The following NTM variants were observed in gnomAD, a reference collection of about 807,000 sequenced individuals.
NTM encodes IgLON family member 2.
A neutral mutation model predicts 42.1 loss-of-function variants in NTM; 13 were observed. The observed-to-expected ratio is 0.31, with a 90% CI of 0.20 to 0.49. The LOEUF is 0.49. Ranked by LOEUF, NTM falls within the 20% of genes least tolerant of loss-of-function variation. The pLI is 0.99. For synonymous variants in NTM, 187 were observed against 179.2 expected, an observed-to-expected ratio of 1.04 and a Z score of -0.35; for missense variants, 373 against 452.8, an observed-to-expected ratio of 0.82 and a Z score of 1.60.
At chr11:131,618,051 G>A (rs2062129693) in intron 1 of NTM, among the ~76,000 whole-genome samples, 1 of 152,190 alleles carries the variant, frequency 6.6e-6, no homozygotes, top group South Asian at 2.1e-4. Context: ...GGGAGTTGGT[G>A]TTAAAAAAGC....
intron 7 of NTM, among the ~76,000 whole-genome samples, chr11:132,328,721 G>C (rs927211201): frequency 1.3e-5 from 2 of 152,088 alleles, no homozygotes; most frequent in African/African-American, 2.4e-5. Context: ...TCTTTAGTCT[G>C]TCCTTCCTCC....
intron 3 of NTM, among the ~76,000 whole-genome samples, chr11:132,189,343 G>A (rs887817150): frequency 3.9e-5 from 6 of 152,172 alleles, no homozygotes; most frequent in African/African-American, 1.4e-4. Context: ...CCTTAAAGAT[G>A]CTCAGCTCAG....
chr11:132,082,327 G>T (rs1266710797), intron 2 of NTM, among the ~76,000 whole-genome samples: 1 of 152,066 alleles, frequency 6.6e-6, no homozygotes, highest in African/African-American at 2.4e-5. Context: ...CTGCATTCAG[G>T]TTTCCCCCTC....
At chr11:132,128,264 G>A (rs535536488) in intron 2 of NTM, among the ~76,000 whole-genome samples, 7 of 152,058 alleles carry the variant, frequency 4.6e-5, no homozygotes, top group Middle Eastern at 6.8e-3. Flanking sequence ...TGATAAACAT[G>A]TTTGCTAATC....
At chr11:132,026,494 G>T (rs1363356019) in intron 2 of NTM, among the ~76,000 whole-genome samples, 1 of 152,124 alleles carries the variant, frequency 6.6e-6, no homozygotes, top group Non-Finnish European at 1.5e-5. Flanking sequence ...AGAGTCATCT[G>T]CTTTTTCTTG....
rs555789593 is a variant in NTM, at chr11:131,733,581, G to T, written c.83-177983G>T. Among the ~76,000 whole-genome samples, 46 of 151,008 alleles carry T rather than the reference G, an allele frequency of 3.0e-4. 2 individuals carry two copies. In the South Asian group the frequency reaches 9.6e-3, roughly 32 times the overall value. On this transcript the variant is annotated intron_variant, in intron 1 of 8. Coordinates refer to ENST00000683400, the MANE Select transcript of NTM (RefSeq NM_001352005.2). ...CTCACTCGGTCACCCAGGCTAGAGT[G>T]CAGTGGTGCGATCTCAGCTCACTGG...
chr11:131,997,237 T>C (rs1472674448), intron 2 of NTM, among the ~76,000 whole-genome samples: 1 of 152,178 alleles, frequency 6.6e-6, no homozygotes, highest in Non-Finnish European at 1.5e-5. Context: ...CTCATGCCCC[T>C]GGCCCACCCA....
chr11:132,051,089 T>G (rs1478993557), intron 2 of NTM, among the ~76,000 whole-genome samples: 1 of 152,240 alleles, frequency 6.6e-6, no homozygotes, highest in Non-Finnish European at 1.5e-5. Flanking sequence ...GTCAGATACA[T>G]GTCAGTTTGA....
chr11:131,763,406 TG>T, intron 1 of NTM, among the ~76,000 whole-genome samples: 1 of 152,340 alleles, frequency 6.6e-6, no homozygotes, highest in Admixed American at 6.5e-5. Context: ...ATTGAATCAA[TG>T]CAGGTCGTTG....
At chr11:132,274,944 A>G (rs1280538344) in intron 4 of NTM, among the ~76,000 whole-genome samples, 4 of 152,104 alleles carry the variant, frequency 2.6e-5, no homozygotes, top group Admixed American at 2.0e-4. Context: ...AAAATGCATT[A>G]TGTTATTTTT....
At chr11:132,211,196 G>A (rs1207641999) in intron 3 of NTM, among the ~76,000 whole-genome samples, 1 of 152,198 alleles carries the variant, frequency 6.6e-6, no homozygotes, top group African/African-American at 2.4e-5. Flanking sequence ...TTGAGCTCAG[G>A]AGTTTGAGAC....
intron 1 of NTM, among the ~76,000 whole-genome samples, chr11:131,400,947 A>C (rs1392304029): frequency 2.0e-5 from 3 of 150,716 alleles, no homozygotes; most frequent in Non-Finnish European, 4.4e-5. Flanking sequence ...GAACTTCTTC[A>C]GCAATACCTT....
chr11:131,971,345 T>C (rs76848680), intron 2 of NTM, among the ~76,000 whole-genome samples: 7,414 of 152,276 alleles, frequency 0.049, 607 homozygotes, highest in African/African-American at 0.17. Flanking sequence ...ATTTGTGTGC[T>C]TTCTCGGCTT....
At chr11:131,799,595 C>T (rs1341641903) in intron 1 of NTM, among the ~76,000 whole-genome samples, 7 of 152,026 alleles carry the variant, frequency 4.6e-5, no homozygotes, top group Admixed American at 1.3e-4. Context: ...AAATACATCC[C>T]GGCTCAGTGG....
At position 131,666,525 on chromosome 11, in the gene NTM, C is replaced by A. The variant is rs77856698; in HGVS notation, c.83-245039C>A. 3.2e-3 allele frequency among the ~76,000 whole-genome samples: 494 copies of A among 152,268 alleles called. 5 individuals carry two copies. The highest frequency in any genetic ancestry group is 0.011 in the African/African-American group (452 of 41,558). On this transcript the variant is annotated intron_variant, in intron 1 of 8. Transcript: ENST00000683400. ...GCCTACCCCATTGGAGCCATGCCTA[C>A]AACCACCCCTCACAGAACAGAGGAT...
At chr11:132,158,018 G>A (rs2073562500) in intron 3 of NTM, among the ~76,000 whole-genome samples, 1 of 152,154 alleles carries the variant, frequency 6.6e-6, no homozygotes, top group African/African-American at 2.4e-5. Context: ...TAACTGGCCT[G>A]CTTTTTTTGT....
rs942808665 is a variant in NTM, at chr11:132,128,156, G to T, written c.168-18126G>T. Among the ~76,000 whole-genome samples the T allele has an allele frequency of 3.9e-5, 6 of 152,156 alleles. No individual in the cohort carries two copies. In the South Asian group the frequency reaches 1.2e-3, roughly 32 times the overall value. ...AGGACGCTGGAGAGGAGAAGCACAT[G>T]GCAGTGGTATAGGATGGTTTGCTTC... is the stretch of plus-strand genomic sequence containing the variant. On this transcript the variant is annotated intron_variant, in intron 2 of 8. Coordinates refer to ENST00000683400, the MANE Select transcript of NTM (RefSeq NM_001352005.2).
At chr11:132,209,323 C>G (rs1469301737) in intron 3 of NTM, among the ~76,000 whole-genome samples, 1 of 152,216 alleles carries the variant, frequency 6.6e-6, no homozygotes, top group African/African-American at 2.4e-5. Context: ...AGCATTCTCT[C>G]TCCTCCAACC....
chr11:131,801,840 A>AT (rs2092141643), intron 1 of NTM, among the ~76,000 whole-genome samples: 1 of 152,024 alleles, frequency 6.6e-6, no homozygotes, highest in Non-Finnish European at 1.5e-5. Context: ...AATCTCCTTG[A>AT]TCAGAATGTG....
Sources: gnomAD v4.1 joint callset for allele counts (sites outside exome capture counted in the v4.1 genomes callset) on GRCh38, gnomAD v4.1.1 for gene constraint, MANE v1.5 for transcripts, NCBI Gene and HGNC (gene_info 2026-07-23, HGNC 2026-07-21) for gene names.